Variants in ATRN observed in about 807,000 individuals in gnomAD.
ATRN encodes the protein attractin-2.
Under a neutral mutation model 178.7 loss-of-function variants are expected in ATRN, and 54 were observed. The observed-to-expected ratio is 0.30, with a 90% confidence interval of 0.24 to 0.38. The LOEUF (loss-of-function observed/expected upper bound fraction) is 0.38. Among genes scored for constraint, ATRN ranks in the 10% least tolerant of loss-of-function variants. ATRN has a pLI of 1.00. For synonymous variants in ATRN, 636 were observed against 663.0 expected, an observed-to-expected ratio of 0.96 and a Z score of 0.63; for missense variants, 1,443 against 1,815.1, an observed-to-expected ratio of 0.79 and a Z score of 3.73.
intron 11 of ATRN, among the ~76,000 whole-genome samples, chr20:3,565,881 GT>G (rs2086029135): frequency 6.6e-6 from 1 of 150,796 alleles, no homozygotes; most frequent in Non-Finnish European, 1.5e-5. Flanking sequence ...CATCCCAGTA[GT>G]TTTTTTACAG....
chr20:3,543,397 T>C lies in ATRN; in HGVS notation c.609-2365T>C, dbSNP rs1413762666. Among the ~76,000 whole-genome samples, 6 of 152,112 alleles carry C rather than the reference T, an allele frequency of 3.9e-5. No homozygotes were observed. The South Asian group carries it at 1.2e-3, about 32-fold the overall frequency. On this transcript the variant is annotated intron_variant, in intron 3 of 28. Transcript: ENST00000262919. ...TTTTGTAACTCCTGGAGCACCAGAGTTTCAGAGTTCCTAGAGTTCTGTCTT... is the reference window on the plus strand; with the variant it reads ...TTTTGTAACTCCTGGAGCACCAGAGCTTCAGAGTTCCTAGAGTTCTGTCTT...
chr20:3,569,155 T>A (rs570359434), intron 11 of ATRN, among the ~76,000 whole-genome samples: 1 of 152,352 alleles, frequency 6.6e-6, no homozygotes, highest in African/African-American at 2.4e-5. Context: ...TTTGCAAATA[T>A]GGAATCTACA....
At chr20:3,476,731 G>C (rs1038030588) in intron 1 of ATRN, among the ~76,000 whole-genome samples, 1 of 152,076 alleles carries the variant, frequency 6.6e-6, no homozygotes, top group Non-Finnish European at 1.5e-5. Flanking sequence ...ATGGTGGCGA[G>C]CGCCTGTAAT....
intron 1 of ATRN, among the ~76,000 whole-genome samples, chr20:3,477,028 G>T (rs890971385): frequency 6.6e-6 from 1 of 151,208 alleles, no homozygotes; most frequent in Non-Finnish European, 1.5e-5. Context: ...TTCCATGAGG[G>T]CAGGGGCCTG....
chr20:3,539,625 T>C lies in ATRN; in HGVS notation c.495-597T>C, dbSNP rs1053827726. On this transcript the variant is annotated intron_variant, in intron 2 of 28. Coordinates refer to ENST00000262919, the MANE Select transcript of ATRN (RefSeq NM_139321.3). ...AGGGAGAGAGAATTGGTAGGACTGCTGGCAGAATCTAAGTGCCATTTGCAG... is the reference window on the plus strand; with the variant it reads ...AGGGAGAGAGAATTGGTAGGACTGCCGGCAGAATCTAAGTGCCATTTGCAG... Among the ~76,000 whole-genome samples the C allele has an allele frequency of 1.1e-4, 17 of 152,272 alleles. No homozygotes were observed. The South Asian group carries it at 2.1e-3, about 19-fold the overall frequency.
At chr20:3,613,258 T>C (rs969754119) in intron 24 of ATRN, among the ~76,000 whole-genome samples, 16 of 152,166 alleles carry the variant, frequency 1.1e-4, no homozygotes, top group Non-Finnish European at 1.9e-4. Flanking sequence ...AAACGTGTCT[T>C]TTTGCTGTTT....
intron 25 of ATRN, among the ~76,000 whole-genome samples, chr20:3,630,916 CTTTT>C (rs368394749): frequency 6.9e-5 from 3 of 43,458 alleles, no homozygotes; most frequent in Admixed American, 3.3e-4. Flanking sequence ...ATTTATTTAG[CTTTT>C]TTTTTTTTTT....
At chr20:3,631,720 G>C (rs2086991022) in intron 25 of ATRN, among the ~76,000 whole-genome samples, 1 of 152,216 alleles carries the variant, frequency 6.6e-6, no homozygotes, top group Non-Finnish European at 1.5e-5. Flanking sequence ...AGAGGTTTCT[G>C]AGTGACACCA....
chr20:3,502,626 A>T (rs557205771), intron 1 of ATRN, among the ~76,000 whole-genome samples: 1 of 152,184 alleles, frequency 6.6e-6, no homozygotes, highest in Non-Finnish European at 1.5e-5. Flanking sequence ...TCTTAACCCT[A>T]TAAGTGGTGA....
At chr20:3,491,305 G>A (rs1238493096) in intron 1 of ATRN, among the ~76,000 whole-genome samples, 1 of 152,114 alleles carries the variant, frequency 6.6e-6, no homozygotes, top group Non-Finnish European at 1.5e-5. Flanking sequence ...ATTAACTTAT[G>A]GCTGCTAGAG....
intron 1 of ATRN, among the ~76,000 whole-genome samples, chr20:3,480,312 C>T (rs377356399): frequency 1.3e-5 from 2 of 152,068 alleles, no homozygotes; most frequent in African/African-American, 4.8e-5. Context: ...CCTCTGTGGG[C>T]GTTTAGAAGG....
intron 1 of ATRN, among the ~76,000 whole-genome samples, chr20:3,475,662 A>G (rs1425588536): frequency 1.3e-5 from 2 of 152,230 alleles, no homozygotes; most frequent in African/African-American, 4.8e-5. Context: ...AGGATAAATT[A>G]AGCTCATTTT....
chr20:3,475,218 A>G lies in ATRN; in HGVS notation c.410+3701A>G, dbSNP rs561410278. 6.6e-5 allele frequency among the ~76,000 whole-genome samples: 10 copies of G among 152,198 alleles called. No individual in the cohort carries two copies. In the South Asian group the frequency reaches 1.9e-3, roughly 28 times the overall value. ...AGTTGGAGTGTTTTTTGAGCTTTTT[A>G]GTCCTGTAAATCCTGTGTTATAATT... is the stretch of plus-strand genomic sequence containing the variant. On this transcript the variant is annotated intron_variant, in intron 1 of 28. Coordinates refer to ENST00000262919, the MANE Select transcript of ATRN (RefSeq NM_139321.3).
At position 3,576,942 on chromosome 20, in the gene ATRN, C is replaced by T. The variant is rs1456110527; in HGVS notation, c.2298C>T (p.Ala766=). The T allele has an allele frequency of 2.5e-6, 4 of 1,614,098 alleles. No individual in the cohort carries two copies. The highest frequency in any genetic ancestry group is 3.4e-6 in the Non-Finnish European group (4 of 1,180,014). Residue 766 remains alanine (A), a synonymous_variant, in exon 14 of 29, where the codon GCC becomes GCT. Coordinates refer to ENST00000262919, the MANE Select transcript of ATRN (RefSeq NM_139321.3). ...CNKKTSCRSC[A]LDQNCQWEPR... ...AGAAGACCAGCTGCAGGAGCTGTGC[C>T]CTGGACCAGAACTGCCAGTGGGAGC...
intron 24 of ATRN, among the ~76,000 whole-genome samples, chr20:3,614,321 G>A (rs1345024873): frequency 6.6e-6 from 1 of 152,184 alleles, no homozygotes; most frequent in African/African-American, 2.4e-5. Context: ...ATTCAAGATA[G>A]AAGATGGTTG....
intron 25 of ATRN, among the ~76,000 whole-genome samples, chr20:3,633,184 C>T (rs1454524958): frequency 2.6e-5 from 4 of 152,144 alleles, no homozygotes; most frequent in African/African-American, 9.7e-5. Context: ...GTCCTGATAG[C>T]AGAGAGGCCC....
At position 3,571,849 on chromosome 20, in the gene ATRN, A is replaced by T. The variant is rs1860232493; in HGVS notation, c.1872-882A>T. Among the ~76,000 whole-genome samples, 3 of 151,964 alleles carry T rather than the reference A, an allele frequency of 2.0e-5. No homozygotes were observed. In the South Asian group the frequency reaches 6.2e-4, roughly 32 times the overall value. Reference sequence around the variant, plus strand: ...TTAATTCATATGACCAGATTTTTCAATCTTCTTTTCCCCTACCTTCTGGAT... The same window carrying T: ...TTAATTCATATGACCAGATTTTTCATTCTTCTTTTCCCCTACCTTCTGGAT... On this transcript the variant is annotated intron_variant, in intron 11 of 28. Coordinates refer to ENST00000262919, the MANE Select transcript of ATRN (RefSeq NM_139321.3).
At chr20:3,497,194 TC>T (rs1445368908) in intron 1 of ATRN, among the ~76,000 whole-genome samples, 2 of 149,556 alleles carry the variant, frequency 1.3e-5, no homozygotes, top group Non-Finnish European at 3.0e-5. Flanking sequence ...GTGAATTTGA[TC>T]CTGTCATTAT....
At chr20:3,501,396 A>G (rs1229847063) in intron 1 of ATRN, among the ~76,000 whole-genome samples, 1 of 152,194 alleles carries the variant, frequency 6.6e-6, no homozygotes, top group Non-Finnish European at 1.5e-5. Flanking sequence ...CTGTTCTGTA[A>G]ATACTAATTC....
Sources: gnomAD v4.1 joint callset for allele counts (sites outside exome capture counted in the v4.1 genomes callset) on GRCh38, gnomAD v4.1.1 for gene constraint, MANE v1.5 for transcripts, NCBI Gene and HGNC (gene_info 2026-07-23, HGNC 2026-07-21) for gene names.